CSTPP1: variants seen among roughly 807,000 people sequenced by gnomAD.
The protein encoded by CSTPP1 is UPF0705 protein C11orf49.
At chr11:47,075,643 C>G in the CSTPP1 span, among the ~76,000 whole-genome samples, 2 of 151,762 alleles carry the variant, frequency 1.3e-5, no homozygotes, top group Non-Finnish European at 2.9e-5. Context: ...GTCGGCCAGG[C>G]GTGGTGGCCT....
the CSTPP1 span, among the ~76,000 whole-genome samples, chr11:46,990,755 G>A: frequency 2.0e-5 from 3 of 152,114 alleles, no homozygotes; most frequent in Non-Finnish European, 4.4e-5. Context: ...GATTTTTATA[G>A]TTTGAGATCT....
the CSTPP1 span, chr11:47,157,324 G>A: frequency 8.0e-7 from 1 of 1,257,652 alleles, no homozygotes; most frequent in Non-Finnish European, 1.1e-6. Context: ...GGCATTCTAG[G>A]GCCCTTGCTG....
At chr11:47,017,471 C>T in the CSTPP1 span, among the ~76,000 whole-genome samples, 3 of 152,040 alleles carry the variant, frequency 2.0e-5, no homozygotes, top group Non-Finnish European at 4.4e-5. Context: ...CAGTGCCCGA[C>T]CAGTTCTATG....
the CSTPP1 span, among the ~76,000 whole-genome samples, chr11:46,939,896 A>AG: frequency 6.6e-6 from 1 of 152,026 alleles, no homozygotes; most frequent in Admixed American, 6.6e-5. Context: ...CTTGAGACAG[A>AG]GTCTCACTCT....
chr11:47,143,977 C>G, the CSTPP1 span, among the ~76,000 whole-genome samples: 2 of 152,096 alleles, frequency 1.3e-5, no homozygotes, highest in Admixed American at 1.3e-4. Flanking sequence ...GAACACAGGC[C>G]CCATGGCATT....
the CSTPP1 span, among the ~76,000 whole-genome samples, chr11:47,020,072 C>T: frequency 6.6e-6 from 1 of 152,152 alleles, no homozygotes; most frequent in African/African-American, 2.4e-5. Context: ...AAGTGCCCCC[C>T]ACACCAAATA....
chr11:47,161,425 A>C, the CSTPP1 span: 305 of 1,611,254 alleles, frequency 1.9e-4, 7 homozygotes, highest in South Asian at 2.4e-3. Context: ...TCTGTACAGG[A>C]GGCCTCTCGC....
chr11:47,016,673 G>C, the CSTPP1 span, among the ~76,000 whole-genome samples: 1 of 152,042 alleles, frequency 6.6e-6, no homozygotes, highest in Non-Finnish European at 1.5e-5. Flanking sequence ...TATATCAGTT[G>C]TGGACAGGAG....
chr11:47,042,788 G>T, the CSTPP1 span, among the ~76,000 whole-genome samples: 3 of 152,124 alleles, frequency 2.0e-5, no homozygotes, highest in Non-Finnish European at 2.9e-5. Context: ...TTAGAGGAAA[G>T]ATTAATGTCT....
chr11:46,974,694 A>T, the CSTPP1 span, among the ~76,000 whole-genome samples: 1 of 151,562 alleles, frequency 6.6e-6, no homozygotes, highest in African/African-American at 2.4e-5. Flanking sequence ...ACAAAACAAA[A>T]CAAAACAAAA....
the CSTPP1 span, among the ~76,000 whole-genome samples, chr11:47,113,404 A>G: frequency 1.4e-4 from 21 of 152,308 alleles, no homozygotes; most frequent in African/African-American, 5.1e-4. Flanking sequence ...TTCTAGTTCT[A>G]GATCCCTGAG....
the CSTPP1 span, among the ~76,000 whole-genome samples, chr11:47,106,468 C>T: frequency 6.6e-6 from 1 of 152,040 alleles, no homozygotes; most frequent in Admixed American, 6.6e-5. Flanking sequence ...CATGGCAAAA[C>T]CCCGTCTCTA....
the CSTPP1 span, among the ~76,000 whole-genome samples, chr11:47,076,114 T>G: frequency 1.3e-5 from 2 of 151,964 alleles, no homozygotes; most frequent in African/African-American, 4.8e-5. Flanking sequence ...ACTGGAGATA[T>G]TAAACTAGAG....
chr11:47,027,927 C>CTTT, the CSTPP1 span, among the ~76,000 whole-genome samples: 9 of 134,072 alleles, frequency 6.7e-5, no homozygotes, highest in Non-Finnish European at 1.1e-4. Context: ...TTTTTTTTTT[C>CTTT]TTTTTTTTTT....
At chr11:47,012,983 G>A in the CSTPP1 span, among the ~76,000 whole-genome samples, 12 of 131,962 alleles carry the variant, frequency 9.1e-5, 1 homozygote, top group Admixed American at 6.6e-4. Context: ...GTATTGGTGC[G>A]AGACAGAATG....
chr11:47,102,396 G>T, the CSTPP1 span, among the ~76,000 whole-genome samples: 371 of 151,866 alleles, frequency 2.4e-3, 1 homozygote, highest in African/African-American at 8.2e-3. Context: ...TAAATCAGAT[G>T]ATATACTTCT....
chr11:47,025,168 C>T, the CSTPP1 span, among the ~76,000 whole-genome samples: 3 of 152,104 alleles, frequency 2.0e-5, no homozygotes, highest in Non-Finnish European at 4.4e-5. Flanking sequence ...AAAAAATATA[C>T]ATGGATTTAC....
the CSTPP1 span, among the ~76,000 whole-genome samples, chr11:47,011,266 T>C: frequency 3.6e-3 from 546 of 152,338 alleles, 3 homozygotes; most frequent in African/African-American, 0.013. Context: ...CTGAGAAATA[T>C]GCCAGATGGT....
At chr11:47,006,240 A>G in the CSTPP1 span, among the ~76,000 whole-genome samples, 2 of 152,214 alleles carry the variant, frequency 1.3e-5, no homozygotes. Flanking sequence ...TCATTTTTGA[A>G]GGGCAGTTTT....
Sources: gnomAD v4.1 joint callset for allele counts (sites outside exome capture counted in the v4.1 genomes callset) on GRCh38, gnomAD v4.1.1 for gene constraint, MANE v1.5 for transcripts, NCBI Gene and HGNC (gene_info 2026-07-23, HGNC 2026-07-21) for gene names.